Variants in MPPED2 observed in about 807,000 individuals in gnomAD.
The protein encoded by MPPED2 is metallophosphoesterase MPPED2.
A neutral mutation model predicts 33.0 loss-of-function variants in MPPED2; 5 were observed. The observed-to-expected ratio is 0.15, with a 90% CI of 0.08 to 0.32. MPPED2 has a LOEUF of 0.32. Among genes scored for constraint, MPPED2 ranks in the 10% least tolerant of loss-of-function variants. The pLI, the probability that MPPED2 is intolerant of heterozygous loss-of-function variation, is 1.00. For synonymous variants in MPPED2, 136 were observed against 141.9 expected, an observed-to-expected ratio of 0.96 and a Z score of 0.29; for missense variants, 275 against 372.1, an observed-to-expected ratio of 0.74 and a Z score of 2.15.
intron 3 of MPPED2, among the ~76,000 whole-genome samples, chr11:30,535,450 A>G (rs1954760271): frequency 6.6e-6 from 1 of 152,136 alleles, no homozygotes; most frequent in Admixed American, 6.6e-5. Flanking sequence ...TCACATCCCA[A>G]GTTTTTACTT....
intron 3 of MPPED2, among the ~76,000 whole-genome samples, chr11:30,497,081 G>A (rs1033325301): frequency 4.5e-4 from 69 of 152,310 alleles, no homozygotes; most frequent in African/African-American, 1.6e-3. Context: ...AGTGCTGTAT[G>A]TCACGTCTTT....
intron 5 of MPPED2, among the ~76,000 whole-genome samples, chr11:30,416,046 G>A (rs965815521): frequency 6.6e-6 from 1 of 152,224 alleles, no homozygotes; most frequent in Non-Finnish European, 1.5e-5. Flanking sequence ...GCAATTTAAT[G>A]ATGTAGCTAC....
At chr11:30,561,451 G>T (rs941483537) in intron 2 of MPPED2, among the ~76,000 whole-genome samples, 3 of 152,124 alleles carry the variant, frequency 2.0e-5, no homozygotes, top group Non-Finnish European at 4.4e-5. Context: ...TCCCAGAAAA[G>T]CAACAGAGCT....
intron 3 of MPPED2, among the ~76,000 whole-genome samples, chr11:30,530,845 T>C (rs1954481186): frequency 6.6e-6 from 1 of 152,042 alleles, no homozygotes; most frequent in Non-Finnish European, 1.5e-5. Flanking sequence ...GAAGCACAGG[T>C]GGAAGGAACA....
At chr11:30,412,557 A>G (rs1376577458) in intron 6 of MPPED2, among the ~76,000 whole-genome samples, 3 of 152,198 alleles carry the variant, frequency 2.0e-5, no homozygotes, top group East Asian at 3.9e-4. Flanking sequence ...AAATTTCTCC[A>G]AGTAAAGCCT....
At chr11:30,422,550 C>G (rs1454787871) in intron 4 of MPPED2, among the ~76,000 whole-genome samples, 2 of 151,994 alleles carry the variant, frequency 1.3e-5, no homozygotes, top group African/African-American at 4.8e-5. Flanking sequence ...AACATGAAAC[C>G]CCAGCAGTGA....
chr11:30,524,090 A>G (rs566999911), intron 3 of MPPED2, among the ~76,000 whole-genome samples: 19 of 152,058 alleles, frequency 1.2e-4, no homozygotes, highest in South Asian at 1.2e-3. Context: ...TCTCTACTAA[A>G]AATACAAAAA....
chr11:30,427,324 A>T (rs1004539004), intron 4 of MPPED2, among the ~76,000 whole-genome samples: 1 of 152,168 alleles, frequency 6.6e-6, no homozygotes, highest in Non-Finnish European at 1.5e-5. Flanking sequence ...ATTTACAATG[A>T]GTGTGTGTGT....
At chr11:30,543,132 G>T (rs73459709) in intron 2 of MPPED2, among the ~76,000 whole-genome samples, 2,801 of 152,244 alleles carry the variant, frequency 0.018, 82 homozygotes, top group African/African-American at 0.064. Context: ...TGAAAAAAAT[G>T]CATATTACAG....
At chr11:30,385,285 T>G (rs1231489214) in exon 7 of MPPED2, 1 of 152,224 alleles carries the variant, frequency 6.6e-6, no homozygotes, top group East Asian at 1.9e-4. Context: ...AGGTAGGGAA[T>G]GCAATCAATG....
chr11:30,384,938 A>T (rs936809193), exon 7 of MPPED2: 1 of 152,214 alleles, frequency 6.6e-6, no homozygotes, highest in Non-Finnish European at 1.5e-5. Context: ...ACAAACTGAC[A>T]AGAATTTGTC....
chr11:30,384,203 G>C (rs1947676280), downstream of MPPED2, among the ~76,000 whole-genome samples: 1 of 152,068 alleles, frequency 6.6e-6, no homozygotes. Context: ...TTATTTCCTT[G>C]ATGTTAGTGC....
Position 30,397,396 on chromosome 11 carries a change from GTATT to G in MPPED2, c.767-8444_767-8441del, listed in dbSNP as rs1169427227. On this transcript the variant is annotated intron_variant, in intron 6 of 6. Transcript: ENST00000448418. ...CTATAGTTCTTACATATTCAATAAT[GTATT>G]TATTTTGCTGTTAAATTTGGTTGAT... Among the ~76,000 whole-genome samples the G allele has an allele frequency of 5.9e-5, 9 of 152,040 alleles. No homozygotes were observed. In the East Asian group the frequency reaches 1.7e-3, roughly 29 times the overall value.
At chr11:30,445,564 A>C (rs1949767233) in intron 4 of MPPED2, among the ~76,000 whole-genome samples, 1 of 152,182 alleles carries the variant, frequency 6.6e-6, no homozygotes. Flanking sequence ...AACCATCTTC[A>C]AAATTTGTTC....
chr11:30,394,431 T>C (rs1447758393), intron 6 of MPPED2, among the ~76,000 whole-genome samples: 1 of 152,214 alleles, frequency 6.6e-6, no homozygotes, highest in Admixed American at 6.5e-5. Flanking sequence ...TTGTCAGCAC[T>C]TGATATTATC....
At chr11:30,492,390 C>T (rs1952023911) in intron 4 of MPPED2, among the ~76,000 whole-genome samples, 1 of 152,164 alleles carries the variant, frequency 6.6e-6, no homozygotes, top group Admixed American at 6.5e-5. Flanking sequence ...TTCTGAACAT[C>T]TGCTTGCTCA....
intron 4 of MPPED2, among the ~76,000 whole-genome samples, chr11:30,486,572 G>C (rs1326356240): frequency 6.6e-6 from 1 of 152,164 alleles, no homozygotes; most frequent in African/African-American, 2.4e-5. Flanking sequence ...TTCTAGAGCT[G>C]CTCACAGTAC....
chr11:30,486,372 C>T lies in MPPED2; in HGVS notation c.536+8924G>A, dbSNP rs147967980. 5.3e-3 allele frequency among the ~76,000 whole-genome samples: 802 copies of T among 152,238 alleles called. 8 individuals carry two copies. The highest frequency in any genetic ancestry group is 0.019 in the African/African-American group (773 of 41,554). ...GAATATAACTGGTACAGAATCTACA[C>T]GACGCTAAGAACTCAATCACTGAGA... On this transcript the variant is annotated intron_variant, in intron 4 of 6. Coordinates refer to ENST00000358117, the MANE Select transcript of MPPED2 (RefSeq NM_001584.3).
At chr11:30,484,050 C>T (rs1041921385) in intron 4 of MPPED2, among the ~76,000 whole-genome samples, 3 of 152,104 alleles carry the variant, frequency 2.0e-5, no homozygotes, top group African/African-American at 7.2e-5. Flanking sequence ...CTTTTTCTTT[C>T]CTTTACAAAT....
Sources: allele counts gnomAD v4.1 joint callset (sites outside exome capture counted in the v4.1 genomes callset), GRCh38; gene constraint gnomAD v4.1.1; transcripts MANE v1.5; gene names NCBI Gene and HGNC (gene_info 2026-07-23, HGNC 2026-07-21).